The following DPP10 variants were observed in gnomAD, a reference collection of about 807,000 sequenced individuals.
DPP10 encodes dipeptidyl peptidase like 10, also known as inactive dipeptidyl peptidase 10.
A neutral mutation model predicts 120.9 loss-of-function variants in DPP10; 33 were observed. The observed-to-expected ratio is 0.27, with a 90% CI of 0.21 to 0.37. The LOEUF (loss-of-function observed/expected upper bound fraction) is 0.37. Ranked by LOEUF, DPP10 falls within the 10% of genes least tolerant of loss-of-function variation. The probability of loss-of-function intolerance (pLI) is 1.00; values close to 1 mark genes in which losing one functional copy is unlikely to be tolerated. For missense variants in DPP10, 816 were observed against 942.8 expected, an observed-to-expected ratio of 0.87 and a Z score of 1.76; for synonymous variants, 337 against 326.1, an observed-to-expected ratio of 1.03 and a Z score of -0.36.
At chr2:115,610,011 A>G (rs2083983323) in intron 5 of DPP10, among the ~76,000 whole-genome samples, 1 of 152,204 alleles carries the variant, frequency 6.6e-6, no homozygotes, top group Non-Finnish European at 1.5e-5. Flanking sequence ...AGCTTAAAAC[A>G]TTAAGTATTT....
intron 5 of DPP10, among the ~76,000 whole-genome samples, chr2:115,610,267 CG>C (rs1356143466): frequency 1.3e-5 from 2 of 152,006 alleles, no homozygotes; most frequent in African/African-American, 4.8e-5. Flanking sequence ...CAAGATATGG[CG>C]GCTGCATTTC....
chr2:115,129,147 G>A (rs2050217253), intron 1 of DPP10, among the ~76,000 whole-genome samples: 2 of 152,198 alleles, frequency 1.3e-5, no homozygotes, highest in African/African-American at 4.8e-5. Flanking sequence ...GCTCTCCAGT[G>A]TGAAAGAGGC....
chr2:114,770,494 T>A (rs545542993), intron 1 of DPP10, among the ~76,000 whole-genome samples: 1 of 152,252 alleles, frequency 6.6e-6, no homozygotes, highest in East Asian at 1.9e-4. Flanking sequence ...AGAGAGTGAA[T>A]GGATCCCAAC....
chr2:115,826,757 A>G (rs1170293319), intron 21 of DPP10, among the ~76,000 whole-genome samples: 1 of 152,222 alleles, frequency 6.6e-6, no homozygotes, highest in Admixed American at 6.5e-5. Context: ...ATATTAATAT[A>G]GCCACTCCAT....
intron 1 of DPP10, among the ~76,000 whole-genome samples, chr2:114,732,085 G>T (rs1405525878): frequency 6.6e-6 from 1 of 152,224 alleles, no homozygotes; most frequent in East Asian, 1.9e-4. Flanking sequence ...ACTAAGCTCT[G>T]CTTCTGGTGT....
At chr2:115,004,048 T>C (rs1701637055) in intron 1 of DPP10, among the ~76,000 whole-genome samples, 2 of 152,174 alleles carry the variant, frequency 1.3e-5, no homozygotes, top group African/African-American at 4.8e-5. Flanking sequence ...ACTCAACATC[T>C]GAAACTGCAC....
chr2:114,953,680 C>G (rs1341287809), intron 1 of DPP10, among the ~76,000 whole-genome samples: 1 of 152,064 alleles, frequency 6.6e-6, no homozygotes, highest in Non-Finnish European at 1.5e-5. Context: ...AGTTAGGACA[C>G]ATATTTCTTG....
chr2:114,929,056 A>G (rs991247635), intron 1 of DPP10, among the ~76,000 whole-genome samples: 1 of 152,208 alleles, frequency 6.6e-6, no homozygotes, highest in African/African-American at 2.4e-5. Context: ...CTCCAGGGGT[A>G]ACATCACCTA....
chr2:115,450,789 C>T (rs2073047251), intron 3 of DPP10, among the ~76,000 whole-genome samples: 2 of 151,972 alleles, frequency 1.3e-5, no homozygotes, highest in Non-Finnish European at 2.9e-5. Flanking sequence ...TCTGAAGATG[C>T]AATAATTTTT....
At chr2:115,296,123 G>T (rs2060873333) in intron 1 of DPP10, among the ~76,000 whole-genome samples, 1 of 152,076 alleles carries the variant, frequency 6.6e-6, no homozygotes, top group Non-Finnish European at 1.5e-5. Context: ...AGGAAAAATG[G>T]CACTTGCTCT....
chr2:115,673,469 G>T (rs1319348508), intron 5 of DPP10, among the ~76,000 whole-genome samples: 1 of 152,130 alleles, frequency 6.6e-6, no homozygotes, highest in Non-Finnish European at 1.5e-5. Flanking sequence ...AGGGAGTCAA[G>T]ACATGCCTAA....
intron 1 of DPP10, among the ~76,000 whole-genome samples, chr2:115,195,084 A>G (rs908969622): frequency 6.6e-5 from 10 of 152,126 alleles, no homozygotes; most frequent in Admixed American, 4.6e-4. Flanking sequence ...TGACTGGACA[A>G]ACTTATGCTG....
At chr2:114,782,204 C>T (rs898813743) in intron 1 of DPP10, among the ~76,000 whole-genome samples, 2 of 151,668 alleles carry the variant, frequency 1.3e-5, no homozygotes, top group Non-Finnish European at 2.9e-5. Flanking sequence ...AATGGATAGT[C>T]TTCTATTTTT....
rs536348138 is a variant in DPP10 at position 115,212,480 on chromosome 2, A to G, written c.61-96759A>G. Among the ~76,000 whole-genome samples, 13 of 152,276 alleles carry G rather than the reference A, an allele frequency of 8.5e-5. No homozygotes were observed. The East Asian group carries it at 2.5e-3, about 29-fold the overall frequency. On this transcript the variant is annotated intron_variant, in intron 1 of 25. Coordinates refer to ENST00000410059, the MANE Select transcript of DPP10 (RefSeq NM_020868.6). ...AATTCAGTGTAAACTTTTGTGGAGC[A>G]TACATCTGAAAAGTCCATGCTGGCA...
intron 5 of DPP10, among the ~76,000 whole-genome samples, chr2:115,568,077 C>G (rs2081112770): frequency 6.6e-6 from 1 of 151,928 alleles, no homozygotes; most frequent in Non-Finnish European, 1.5e-5. Flanking sequence ...ACTTGGGAGG[C>G]TGAGGCAGGA....
intron 5 of DPP10, among the ~76,000 whole-genome samples, chr2:115,580,909 C>T (rs962995818): frequency 1.3e-5 from 2 of 152,082 alleles, no homozygotes; most frequent in Non-Finnish European, 2.9e-5. Context: ...GTGTGTCAGC[C>T]ATACTGAGGC....
rs544280718 is a variant in DPP10, at chr2:114,698,663, AG to A, written c.60+255828del. On this transcript the variant is annotated intron_variant, in intron 1 of 25. Transcript: ENST00000410059. Reference sequence around the variant, plus strand: ...CAGGAGAACAAGGCTCAATCAGTCAAGGGATCTTGGAAAGCAAGTGAAAGTT... The same window carrying A: ...CAGGAGAACAAGGCTCAATCAGTCAAGGATCTTGGAAAGCAAGTGAAAGTT... Among the ~76,000 whole-genome samples, 779 of 152,248 alleles carry A rather than the reference AG, an allele frequency of 5.1e-3. 6 individuals are homozygous for A. The highest frequency in any genetic ancestry group is 0.044 in the Middle Eastern group (13 of 294).
rs191625581 is a variant in DPP10, at chr2:114,674,483, G to A, written c.60+231645G>A. On this transcript the variant is annotated intron_variant, in intron 1 of 25. Coordinates refer to ENST00000410059, the MANE Select transcript of DPP10 (RefSeq NM_020868.6). ...TTACCAGAAATTGAATTCTCAAAACGAAGGAAAAAGACATTATTTCAAGGC... is the reference window on the plus strand; with the variant it reads ...TTACCAGAAATTGAATTCTCAAAACAAAGGAAAAAGACATTATTTCAAGGC... Among the ~76,000 whole-genome samples, 5 of 152,046 alleles carry A rather than the reference G, an allele frequency of 3.3e-5. No individual in the cohort carries two copies. In the East Asian group the frequency reaches 5.8e-4, roughly 18 times the overall value.
chr2:115,546,741 A>G (rs1157214048), intron 5 of DPP10, among the ~76,000 whole-genome samples: 1 of 152,110 alleles, frequency 6.6e-6, no homozygotes, highest in African/African-American at 2.4e-5. Flanking sequence ...TATTTGAGGA[A>G]CTAAAGGTGT....
Sources: allele counts gnomAD v4.1 joint callset (sites outside exome capture counted in the v4.1 genomes callset), GRCh38; gene constraint gnomAD v4.1.1; transcripts MANE v1.5; gene names NCBI Gene and HGNC (gene_info 2026-07-23, HGNC 2026-07-21).